MBD5: variants seen among roughly 807,000 people sequenced by gnomAD.
MBD5 encodes methyl-CpG-binding domain protein 5.
MBD5 carries 13 observed loss-of-function variants against 117.3 expected under a neutral mutation model. That is an observed-to-expected ratio of 0.11 (90% CI 0.07 to 0.18). The LOEUF (loss-of-function observed/expected upper bound fraction) is 0.18. MBD5 is among the 10% of genes least tolerant of loss of function. The probability of loss-of-function intolerance (pLI) is 1.00; values close to 1 mark genes in which losing one functional copy is unlikely to be tolerated. For synonymous variants in MBD5, 727 were observed against 766.4 expected (o/e 0.95, Z 0.85); for missense variants, 1,879 against 2,093.8 (o/e 0.90, Z 2.00).
In MBD5 at chr2:148,239,312, T is replaced by C. The variant is rs182693616; in HGVS notation, c.-680+5917T>C. Among the ~76,000 whole-genome samples, 76 of 152,242 alleles carry C rather than the reference T, an allele frequency of 5.0e-4. 1 individual carries two copies. The East Asian group carries it at 0.013, about 26-fold the overall frequency. On this transcript the variant is annotated intron_variant, in intron 3 of 13. Transcript: ENST00000642680. ...CTCTCTAGCTTTATTTGTTAAAATT[T>C]AAAGCAATAGCTATCATTTTGCTTG...
intron 2 of MBD5, among the ~76,000 whole-genome samples, chr2:148,196,641 T>G (rs1698996159): frequency 6.6e-6 from 1 of 152,182 alleles, no homozygotes; most frequent in Non-Finnish European, 1.5e-5. Flanking sequence ...AAACTTGGTG[T>G]CTTTTATGAA....
chr2:148,414,226 C>T (rs970169067), intron 4 of MBD5, among the ~76,000 whole-genome samples: 1 of 151,938 alleles, frequency 6.6e-6, no homozygotes, highest in Non-Finnish European at 1.5e-5. Flanking sequence ...CATTATTTAC[C>T]CAAAAGTCAT....
chr2:148,470,682 G>T (rs1247094183), intron 8 of MBD5: 2 of 527,792 alleles, frequency 3.8e-6, no homozygotes, highest in Non-Finnish European at 6.6e-6. Context: ...ATTATTTGTT[G>T]TCAATCTGTG....
At chr2:148,417,800 T>C (rs760908268) in intron 4 of MBD5, among the ~76,000 whole-genome samples, 9 of 152,080 alleles carry the variant, frequency 5.9e-5, no homozygotes, top group Non-Finnish European at 1.3e-4. Flanking sequence ...CACTTTTTAA[T>C]GGGTTGGGTT....
intron 4 of MBD5, among the ~76,000 whole-genome samples, chr2:148,454,258 G>A (rs933508899): frequency 2.0e-5 from 3 of 152,110 alleles, no homozygotes; most frequent in Non-Finnish European, 4.4e-5. Flanking sequence ...AACTGCTTCA[G>A]AGAACAATTT....
chr2:148,345,886 C>G (rs1703112629), intron 4 of MBD5: 2 of 151,762 alleles, frequency 1.3e-5, no homozygotes, highest in South Asian at 4.1e-4. Flanking sequence ...AGGCTGGAGG[C>G]TAGGCCTGTC....
chr2:148,078,376 T>C (rs1036382583), intron 1 of MBD5, among the ~76,000 whole-genome samples: 2 of 152,152 alleles, frequency 1.3e-5, no homozygotes, highest in Non-Finnish European at 2.9e-5. Context: ...ATCATTTACT[T>C]GTATGTCAGA....
chr2:148,478,224 A>T (rs188935066), intron 8 of MBD5, among the ~76,000 whole-genome samples: 13 of 152,358 alleles, frequency 8.5e-5, no homozygotes, highest in African/African-American at 3.1e-4. Flanking sequence ...TCGTGCTGTC[A>T]TGTACACACA....
At chr2:148,031,842 T>C (rs919809604) in intron 1 of MBD5, among the ~76,000 whole-genome samples, 1 of 152,130 alleles carries the variant, frequency 6.6e-6, no homozygotes, top group African/African-American at 2.4e-5. Context: ...TTACCCAGGT[T>C]GATCCCTAGG....
chr2:148,272,720 T>TC (rs1385924265), intron 3 of MBD5, among the ~76,000 whole-genome samples: 1 of 152,170 alleles, frequency 6.6e-6, no homozygotes, highest in East Asian at 1.9e-4. Flanking sequence ...TATATTTTCT[T>TC]CCATTCTATA....
chr2:148,516,905 A>G lies in MBD5; in HGVS notation c.*3964A>G, dbSNP rs1024765693. 6.6e-6 allele frequency: 1 copy of G among 152,260 alleles called. No individual in the cohort carries two copies. Among genetic ancestry groups the G allele is most frequent in the African/African-American group, 2.4e-5 (1 of 41,474 alleles). 9.4% of individuals were successfully genotyped at this position (152,260 alleles called of 1,614,324 possible). A position where few individuals can be genotyped will look rare whatever the true frequency, so the allele number is the denominator to read the frequency against. ...ATTTGATGCCAGATGGCTTCATAAT[A>G]TACAAATGTGTTTTGTAACATCATG... On this transcript the variant is annotated 3_prime_UTR_variant, in exon 14 of 14. Coordinates refer to ENST00000642680, the MANE Select transcript of MBD5 (RefSeq NM_001378120.1).
At chr2:148,188,421 C>T (rs2105891332) in intron 2 of MBD5, among the ~76,000 whole-genome samples, 1 of 152,180 alleles carries the variant, frequency 6.6e-6, no homozygotes, top group Non-Finnish European at 1.5e-5. Context: ...GCATGATGGC[C>T]AATGCCTGTA....
chr2:148,213,051 C>G (rs1162247103), intron 2 of MBD5, among the ~76,000 whole-genome samples: 2 of 152,198 alleles, frequency 1.3e-5, no homozygotes, highest in Non-Finnish European at 2.9e-5. Flanking sequence ...GTACTCGTCT[C>G]CTTCCAGCCA....
chr2:148,135,220 C>A (rs960790045), intron 1 of MBD5, among the ~76,000 whole-genome samples: 1 of 152,172 alleles, frequency 6.6e-6, no homozygotes, highest in Non-Finnish European at 1.5e-5. Flanking sequence ...GGTTGTATGA[C>A]TTGTTTTGAT....
intron 1 of MBD5, among the ~76,000 whole-genome samples, chr2:148,046,647 G>A (rs1313846898): frequency 6.6e-6 from 1 of 152,008 alleles, no homozygotes; most frequent in Non-Finnish European, 1.5e-5. Context: ...TAATTCCTAA[G>A]TCCGCTCAGT....
intron 2 of MBD5, chr2:148,219,876 C>G (rs1699642279): frequency 6.6e-6 from 1 of 152,138 alleles, no homozygotes; most frequent in Admixed American, 6.6e-5. Flanking sequence ...CAAATATTAT[C>G]ACAATTATTT....
chr2:148,463,957 C>T, intron 7 of MBD5, 38 bp downstream of exon 7: 1 of 1,596,434 alleles, frequency 6.3e-7, no homozygotes, highest in Non-Finnish European at 8.6e-7. Context: ...ATTCTCCTCT[C>T]CCTAGAGAAG....
chr2:148,513,851 C>A lies in MBD5; in HGVS notation c.*910C>A, dbSNP rs1014817907. 1 of 152,146 alleles carries A rather than the reference C, an allele frequency of 6.6e-6. No homozygotes were observed. The highest frequency in any genetic ancestry group is 1.5e-5 in the Non-Finnish European group (1 of 68,014). 9.4% of individuals were successfully genotyped at this position (152,146 alleles called of 1,614,324 possible). ...AGATAGCTTATACTGACTGCACCAC[C>A]GCTGGTGCTCAGAATTGAGGGTTTT... On this transcript the variant is annotated 3_prime_UTR_variant, in exon 14 of 14. Coordinates refer to ENST00000642680, the MANE Select transcript of MBD5 (RefSeq NM_001378120.1).
At chr2:148,461,243 T>C (rs1042080628) in intron 5 of MBD5, among the ~76,000 whole-genome samples, 1 of 152,154 alleles carries the variant, frequency 6.6e-6, no homozygotes, top group Non-Finnish European at 1.5e-5. Context: ...TGACTTAGTT[T>C]ATTGAAATCA....
Sources: gnomAD v4.1 joint callset for allele counts (sites outside exome capture counted in the v4.1 genomes callset) on GRCh38, gnomAD v4.1.1 for gene constraint, MANE v1.5 for transcripts, NCBI Gene and HGNC (gene_info 2026-07-23, HGNC 2026-07-21) for gene names.